Variants in CACNA1C observed in about 807,000 individuals in gnomAD.
CACNA1C encodes calcium voltage-gated channel subunit alpha1 C.
Under a neutral mutation model 229.0 loss-of-function variants are expected in CACNA1C, and 30 were observed. That is an observed-to-expected ratio of 0.13 (90% confidence interval 0.10 to 0.18). CACNA1C has a LOEUF of 0.18. Among genes scored for constraint, CACNA1C ranks in the 10% least tolerant of loss-of-function variants. The pLI, the probability that CACNA1C is intolerant of heterozygous loss-of-function variation, is 1.00. For synonymous variants in CACNA1C, 1,114 were observed against 1,132.5 expected (o/e 0.98, Z 0.33); for missense variants, 1,658 against 2,845.0 (o/e 0.58, Z 9.49).
At chr12:2,052,401 G>A (rs1373674172), upstream of CACNA1C, among the ~76,000 whole-genome samples, 1 of 152,024 alleles carries the variant, frequency 6.6e-6, no homozygotes, top group Admixed American at 6.5e-5. Context: ...TCATCTTGCC[G>A]TTTTGTTCAG....
intron 5 of CACNA1C, among the ~76,000 whole-genome samples, chr12:2,472,302 C>A (rs767577791): frequency 2.0e-5 from 3 of 152,134 alleles, no homozygotes; most frequent in Admixed American, 6.5e-5. Flanking sequence ...GTTCAGTTTT[C>A]TTCAGTCTTT....
Position 2,053,500 on chromosome 12 carries a change from G to A in CACNA1C, c.-63G>A. On this transcript the variant is annotated 5_prime_UTR_variant, in exon 1 of 47. Transcript: ENST00000399655. This position sits in a 1 kb window ranked among gnomAD's most constrained non-coding sequence, Gnocchi z 5.8. ...AGGAGGGATTAATCCAGACCCGCCGGGGGGTGTTTTCACATTTCTTCCTCT... is the reference window on the plus strand; with the variant it reads ...AGGAGGGATTAATCCAGACCCGCCGAGGGGTGTTTTCACATTTCTTCCTCT... The A allele has an allele frequency of 1.9e-6, 3 of 1,542,000 alleles. No individual in the cohort carries two copies. The highest frequency in any genetic ancestry group is 1.7e-4 in the Middle Eastern group (1 of 5,840).
At position 2,624,703 on chromosome 12, in the gene CACNA1C, G is replaced by A. The variant is rs577470666; in HGVS notation, c.3829-9594G>A. On this transcript the variant is annotated intron_variant, in intron 29 of 46. Transcript: ENST00000399655. ...CTACAGAGCTCCACAGCGCCCCGTGGTGGCCAGTGTCACCCCCTCTCTAAG... is the reference window on the plus strand; with the variant it reads ...CTACAGAGCTCCACAGCGCCCCGTGATGGCCAGTGTCACCCCCTCTCTAAG... 2.6e-5 allele frequency among the ~76,000 whole-genome samples: 4 copies of A among 152,280 alleles called. No homozygotes were observed. In the South Asian group the frequency reaches 6.2e-4, roughly 24 times the overall value.
chr12:2,129,948 A>G (rs2091714763), intron 3 of CACNA1C, among the ~76,000 whole-genome samples: 1 of 152,338 alleles, frequency 6.6e-6, no homozygotes, highest in South Asian at 2.1e-4. Flanking sequence ...TATGGGGCTT[A>G]CTTATGAATA....
chr12:2,341,857 C>T (rs946486906), intron 3 of CACNA1C, among the ~76,000 whole-genome samples: 5 of 152,140 alleles, frequency 3.3e-5, no homozygotes, highest in South Asian at 2.1e-4. Context: ...ATCTGTTTAC[C>T]GCAGCTTAAC....
rs574667009 is a variant in CACNA1C, at chr12:2,067,628, C to T, written c.49+14017C>T. ...TGCAGCCCTGAGGTCACGTTTGTGACGTGGATGGAAGGAAGCAGGGGATGG... is the reference window on the plus strand; with the variant it reads ...TGCAGCCCTGAGGTCACGTTTGTGATGTGGATGGAAGGAAGCAGGGGATGG... On this transcript the variant is annotated intron_variant, in intron 1 of 46. Coordinates refer to ENST00000399655, the MANE Select transcript of CACNA1C (RefSeq NM_000719.7). This position sits in a 1 kb window ranked among gnomAD's most constrained non-coding sequence, Gnocchi z 5.3. Among the ~76,000 whole-genome samples the T allele has an allele frequency of 9.9e-5, 15 of 152,190 alleles. No individual in the cohort carries two copies. In the South Asian group the frequency reaches 1.0e-3, roughly 11 times the overall value.
At chr12:2,056,992 G>A (rs1423538020) in intron 1 of CACNA1C, among the ~76,000 whole-genome samples, 2 of 152,200 alleles carry the variant, frequency 1.3e-5, no homozygotes, top group African/African-American at 2.4e-5. Context: ...TATTGATAAT[G>A]CAGTCTCCTA....
At chr12:2,380,965 C>T (rs552891642) in intron 3 of CACNA1C, among the ~76,000 whole-genome samples, 6 of 152,248 alleles carry the variant, frequency 3.9e-5, no homozygotes, top group South Asian at 2.1e-4. Context: ...CCCAGCAGCA[C>T]GTGGGATGGG....
intron 1 of CACNA1C, among the ~76,000 whole-genome samples, chr12:2,070,251 A>G (rs924925003): frequency 4.6e-5 from 7 of 152,212 alleles, no homozygotes; most frequent in African/African-American, 1.7e-4. Flanking sequence ...AGGATGTCCC[A>G]TGTTTGCCTG....
chr12:2,358,253 G>GC (rs1567224439), intron 3 of CACNA1C, among the ~76,000 whole-genome samples: 1 of 286 alleles, frequency 3.5e-3, no homozygotes, highest in East Asian at 0.17. Context: ...GCGTCCTCCT[G>GC]TGTGTGTGTG....
chr12:2,249,076 G>A lies in CACNA1C; in HGVS notation c.477+128646G>A, dbSNP rs191972632. ...TTCTAGCGTTCTGAATAGGCTGTCAGTAGAGAGGTAAGGAGGTAAGGACTC... is the reference window on the plus strand; with the variant it reads ...TTCTAGCGTTCTGAATAGGCTGTCAATAGAGAGGTAAGGAGGTAAGGACTC... On this transcript the variant is annotated intron_variant, in intron 3 of 46. Coordinates refer to ENST00000399655, the MANE Select transcript of CACNA1C (RefSeq NM_000719.7). 4.7e-3 allele frequency among the ~76,000 whole-genome samples: 714 copies of A among 152,344 alleles called. 3 individuals are homozygous for A. Among genetic ancestry groups the A allele is most frequent in the Non-Finnish European group, 8.0e-3 (543 of 68,034 alleles).
chr12:2,250,774 A>G (rs977121442), intron 3 of CACNA1C, among the ~76,000 whole-genome samples: 5 of 152,120 alleles, frequency 3.3e-5, no homozygotes, highest in Non-Finnish European at 7.4e-5. Flanking sequence ...TTTTGTCTGT[A>G]ATGGAAATTC....
intron 30 of CACNA1C, among the ~76,000 whole-genome samples, chr12:2,642,951 G>A (rs1437140694): frequency 2.0e-5 from 3 of 152,204 alleles, no homozygotes; most frequent in African/African-American, 7.2e-5. Context: ...AGACCCTGAG[G>A]CTTCAGCCAC....
At chr12:2,536,795 C>G (rs1298357074) in intron 9 of CACNA1C, among the ~76,000 whole-genome samples, 1 of 152,138 alleles carries the variant, frequency 6.6e-6, no homozygotes, top group Non-Finnish European at 1.5e-5. Flanking sequence ...TGTCACTACA[C>G]TCCAGCCTGG....
intron 3 of CACNA1C, among the ~76,000 whole-genome samples, chr12:2,439,615 G>A (rs930129716): frequency 3.3e-5 from 5 of 152,162 alleles, no homozygotes; most frequent in African/African-American, 1.2e-4. Context: ...ATGTGCTGGG[G>A]CAGGGAGGAA....
chr12:2,578,533 G>A (rs889930521), intron 13 of CACNA1C, among the ~76,000 whole-genome samples: 1 of 152,182 alleles, frequency 6.6e-6, no homozygotes, highest in African/African-American at 2.4e-5. Context: ...GACATCAGCT[G>A]CCCGGAGCGG....
chr12:1,988,765 G>T (rs941774460), intron 1 of CACNA1C, among the ~76,000 whole-genome samples: 1 of 152,092 alleles, frequency 6.6e-6, no homozygotes, highest in Admixed American at 6.6e-5. Flanking sequence ...TAGAAGATGG[G>T]GGCTACCTGT....
rs11608740 is a variant in CACNA1C, at chr12:2,504,163, A to G, written c.1114-679A>G. ...CCCATTTTCTCAGACAAGTGAATAG[A>G]AAACATTGGAGAAATGTTTCTTTTT... On this transcript the variant is annotated intron_variant, in intron 7 of 46. Coordinates refer to ENST00000399655, the MANE Select transcript of CACNA1C (RefSeq NM_000719.7). The surrounding 1 kb of genome is among the most constrained non-coding windows in gnomAD (Gnocchi z 6.8). Among the ~76,000 whole-genome samples, 50,561 of 152,172 alleles carry G rather than the reference A, an allele frequency of 0.33. 9,163 individuals are homozygous for G. The highest frequency in any genetic ancestry group is 0.47 in the African/African-American group (19,436 of 41,502).
At chr12:2,010,715 A>G (rs2044251533) in intron 1 of CACNA1C, 1 of 152,218 alleles carries the variant, frequency 6.6e-6, no homozygotes, top group African/African-American at 2.4e-5. Context: ...CATCACCCTA[A>G]GATATGAGGA....
Sources: allele counts gnomAD v4.1 joint callset (sites outside exome capture counted in the v4.1 genomes callset), GRCh38; gene constraint gnomAD v4.1.1; non-coding constraint Gnocchi (gnomAD v3.1); transcripts MANE v1.5; gene names NCBI Gene and HGNC (gene_info 2026-07-23, HGNC 2026-07-21).